Variants in USP10 observed in about 807,000 individuals in gnomAD.
USP10 encodes ubiquitin specific peptidase 10.
A neutral mutation model predicts 84.5 loss-of-function variants in USP10; 22 were observed. The observed-to-expected ratio is 0.26, with a 90% CI of 0.19 to 0.37. USP10 has a LOEUF of 0.37. USP10 is among the 10% of genes least tolerant of loss of function. The pLI, the probability that USP10 is intolerant of heterozygous loss-of-function variation, is 1.00. For synonymous variants in USP10, 454 were observed against 387.6 expected (o/e 1.17, Z -2.01); for missense variants, 1,019 against 998.9 (o/e 1.02, Z -0.27).
chr16:84,731,604 C>T (rs1240644071), intron 1 of USP10, among the ~76,000 whole-genome samples: 1 of 152,132 alleles, frequency 6.6e-6, no homozygotes, highest in Non-Finnish European at 1.5e-5. Context: ...TGAAAAAATA[C>T]TCTGGCATTC....
chr16:84,709,234 A>T (rs1597269394), intron 1 of USP10: 1 of 152,232 alleles, frequency 6.6e-6, no homozygotes, highest in East Asian at 1.9e-4. Flanking sequence ...ATGTTTCCCA[A>T]AGGAAGGGAA....
chr16:84,760,260 A>G lies in USP10; in HGVS notation c.1539A>G (p.Ser513=), dbSNP rs547337688. 7 of 1,606,732 alleles carry G rather than the reference A, an allele frequency of 4.4e-6. No individual in the cohort carries two copies. The South Asian group carries it at 7.8e-5, about 18-fold the overall frequency. The part of the protein sequence containing the change: ...YIYRLLTVNK[S]SLSEKGRQED... The stretch of plus-strand genomic sequence containing the variant: ...ACAGACTCCTGACAGTTAACAAGTC[A>G]AGCCTGTCTGAAAAGGTTTGAGACT... Residue 513 remains serine (S), a synonymous_variant, in exon 8 of 14, where the codon TCA becomes TCG. Transcript: ENST00000219473.
rs146913960 is a variant in USP10, at chr16:84,720,437, A to G, written c.22-12998A>G. 1.0e-3 allele frequency among the ~76,000 whole-genome samples: 158 copies of G among 152,264 alleles called. 1 individual carries two copies. In the South Asian group the frequency reaches 0.015, roughly 14 times the overall value. ...TTGTCTTTGTGTGGAGTTTGAGTAC[A>G]TGGTCCGAGAAGCTCGGCAGTAATA... On this transcript the variant is annotated intron_variant, in intron 1 of 13. Transcript: ENST00000219473.
rs1051880499 is a variant in USP10, at chr16:84,775,116, A to C, written c.2144-44A>C. On this transcript the variant is annotated intron_variant, in intron 12 of 13. Coordinates refer to ENST00000219473, the MANE Select transcript of USP10 (RefSeq NM_005153.3). ...CCATTTTCTGCTGCTGTTACCCTGA[A>C]CCTTTCTAAAAGTGCTTCAAGCCAT... 30 of 1,576,734 alleles carry C rather than the reference A, an allele frequency of 1.9e-5. No homozygotes were observed. In the Middle Eastern group the frequency reaches 5.1e-4, roughly 27 times the overall value.
intron 2 of USP10, among the ~76,000 whole-genome samples, chr16:84,737,493 G>A (rs1173645758): frequency 6.6e-6 from 1 of 151,650 alleles, no homozygotes; most frequent in Non-Finnish European, 1.5e-5. Flanking sequence ...CTGAATGAAA[G>A]GTGCTGTGTG....
intron 4 of USP10, among the ~76,000 whole-genome samples, chr16:84,757,821 C>G (rs1912762874): frequency 6.6e-6 from 1 of 152,098 alleles, no homozygotes; most frequent in Admixed American, 6.6e-5. Context: ...TTGGGAGCCT[C>G]ATTTTCCTTA....
chr16:84,705,132 C>T (rs1284694313), intron 1 of USP10, among the ~76,000 whole-genome samples: 4 of 152,176 alleles, frequency 2.6e-5, no homozygotes, highest in African/African-American at 9.7e-5. Context: ...TCTCCTTAAG[C>T]CTGTACTCTA....
chr16:84,765,536 C>G (rs1483515574), intron 10 of USP10, among the ~76,000 whole-genome samples: 1 of 147,080 alleles, frequency 6.8e-6, no homozygotes, highest in South Asian at 2.2e-4. Context: ...ATTTTTCTTT[C>G]TGTGTCTGAC....
At chr16:84,709,992 C>T (rs996893369) in intron 1 of USP10, among the ~76,000 whole-genome samples, 1 of 152,050 alleles carries the variant, frequency 6.6e-6, no homozygotes, top group Non-Finnish European at 1.5e-5. Flanking sequence ...TGGTTGAGGC[C>T]GGGTGCGAGG....
intron 1 of USP10, among the ~76,000 whole-genome samples, chr16:84,710,281 A>G (rs1906105470): frequency 6.6e-6 from 1 of 152,126 alleles, no homozygotes; most frequent in South Asian, 2.1e-4. Flanking sequence ...AAAAAAAAAA[A>G]AAAAAAGATT....
At chr16:84,702,863 C>G (rs1408397751) in intron 1 of USP10, among the ~76,000 whole-genome samples, 1 of 151,738 alleles carries the variant, frequency 6.6e-6, no homozygotes, top group African/African-American at 2.4e-5. Context: ...TGTGGTGAAG[C>G]TCGCCTGTAG....
At chr16:84,738,645 G>A (rs960870492) in intron 2 of USP10, among the ~76,000 whole-genome samples, 4 of 152,192 alleles carry the variant, frequency 2.6e-5, no homozygotes, top group South Asian at 2.1e-4. Context: ...AACGTGATGC[G>A]TACTAGGTTG....
chr16:84,745,103 A>G lies in USP10; in HGVS notation c.622A>G (p.Thr208Ala). Residue 208 changes from threonine to alanine, a missense_variant, in exon 4 of 14, where the codon ACT (threonine) becomes GCT (alanine). Coordinates refer to ENST00000219473, the MANE Select transcript of USP10 (RefSeq NM_005153.3). Reference protein sequence around the residue: ...GDMPPSVTPRTCNSPQNSTDS... With the variant: ...GDMPPSVTPRACNSPQNSTDS... ...CATGCCCCCGTCAGTTACGCCCAGG[A>G]CTTGTAACAGCCCCCAGAACTCCAC... 1.2e-6 allele frequency: 2 copies of G among 1,613,560 alleles called. No individual in the cohort carries two copies. Among genetic ancestry groups the G allele is most frequent in the Non-Finnish European group, 1.7e-6 (2 of 1,179,618 alleles).
At chr16:84,709,818 A>G (rs373500154) in intron 1 of USP10, among the ~76,000 whole-genome samples, 1 of 152,126 alleles carries the variant, frequency 6.6e-6, no homozygotes, top group East Asian at 1.9e-4. Flanking sequence ...GTGCAGAGGA[A>G]CTGTCTCAAA....
chr16:84,769,919 T>C (rs1482584781), intron 11 of USP10, among the ~76,000 whole-genome samples: 1 of 152,146 alleles, frequency 6.6e-6, no homozygotes, highest in Non-Finnish European at 1.5e-5. Context: ...GAATGGTTTA[T>C]CCTAAATAGC....
chr16:84,774,162 A>T (rs1489761153), intron 12 of USP10, among the ~76,000 whole-genome samples: 1 of 150,996 alleles, frequency 6.6e-6, no homozygotes, highest in African/African-American at 2.4e-5. Flanking sequence ...AGGCAGGAGA[A>T]TCGCTTGAAC....
intron 1 of USP10, among the ~76,000 whole-genome samples, chr16:84,730,666 T>A (rs1455944043): frequency 6.6e-6 from 1 of 152,206 alleles, no homozygotes; most frequent in African/African-American, 2.4e-5. Context: ...TTTCTCCTCC[T>A]CTCCTCCTCT....
intron 1 of USP10, among the ~76,000 whole-genome samples, chr16:84,701,766 G>T (rs575763414): frequency 6.6e-6 from 1 of 152,284 alleles, no homozygotes; most frequent in East Asian, 1.9e-4. Context: ...TTATACAACA[G>T]TCTAAAGCGT....
intron 2 of USP10, among the ~76,000 whole-genome samples, chr16:84,737,641 G>GTT (rs1406673932): frequency 2.0e-5 from 3 of 152,240 alleles, no homozygotes; most frequent in Non-Finnish European, 2.9e-5. Context: ...TCATCTGGGA[G>GTT]TTTGCTGGTG....
Sources: gnomAD v4.1 joint callset for allele counts (sites outside exome capture counted in the v4.1 genomes callset) on GRCh38, gnomAD v4.1.1 for gene constraint, MANE v1.5 for transcripts, NCBI Gene and HGNC (gene_info 2026-07-23, HGNC 2026-07-21) for gene names.